The following CCDC148 variants were observed in gnomAD, a reference collection of about 807,000 sequenced individuals.
CCDC148 encodes coiled-coil domain-containing protein 148.
CCDC148 carries 89 observed loss-of-function variants against 85.7 expected under a neutral mutation model. That is an observed-to-expected ratio of 1.04 (90% confidence interval 0.87 to 1.24). The LOEUF is 1.24. Among genes scored for constraint, CCDC148 ranks in the 50% most tolerant of loss-of-function variants. The probability of loss-of-function intolerance (pLI) is 0.00; values close to 1 mark genes in which losing one functional copy is unlikely to be tolerated. For synonymous variants in CCDC148, 230 were observed against 213.9 expected, an observed-to-expected ratio of 1.08 and a Z score of -0.66; for missense variants, 692 against 671.7, an observed-to-expected ratio of 1.03 and a Z score of -0.33.
At chr2:158,208,303 A>C (rs1157025764) in intron 11 of CCDC148, among the ~76,000 whole-genome samples, 3 of 152,042 alleles carry the variant, frequency 2.0e-5, no homozygotes, top group Admixed American at 1.3e-4. Context: ...GTATGTGTTG[A>C]TTTTTCTAAC....
At chr2:158,422,105 C>T (rs371691552) in intron 1 of CCDC148, among the ~76,000 whole-genome samples, 1 of 152,090 alleles carries the variant, frequency 6.6e-6, no homozygotes, top group South Asian at 2.1e-4. Context: ...TAATAGCCTA[C>T]CAACAAAAAA....
chr2:158,362,013 AC>A (rs1683973211), intron 1 of CCDC148, among the ~76,000 whole-genome samples: 2 of 149,194 alleles, frequency 1.3e-5, no homozygotes, highest in African/African-American at 5.0e-5. Context: ...AAAAAAAAAA[AC>A]AGCAGGGATT....
intron 10 of CCDC148, among the ~76,000 whole-genome samples, chr2:158,224,358 T>TG (rs1687373444): frequency 2.0e-5 from 3 of 152,268 alleles, no homozygotes; most frequent in Admixed American, 6.5e-5. Context: ...CTGAAAGTGA[T>TG]GGGGAGAATG....
At chr2:158,424,907 G>T in intron 1 of CCDC148, 1 of 267,132 alleles carries the variant, frequency 3.7e-6, no homozygotes, top group Non-Finnish European at 7.5e-6. Flanking sequence ...AGCCAGTAAC[G>T]AAATTGTTAG....
rs1393136486 is a variant in CCDC148, at chr2:158,277,381, A to C, written c.1111-26469T>G. Among the ~76,000 whole-genome samples the C allele has an allele frequency of 4.6e-5, 7 of 152,204 alleles. No individual in the cohort carries two copies. In the East Asian group the frequency reaches 1.3e-3, roughly 29 times the overall value. ...TACTTACCATTCACACCTACTGAGA[A>C]TGTTCCAAATTAAGCTAATGTTTTG... On this transcript the variant is annotated intron_variant, in intron 9 of 13. Transcript: ENST00000283233.
intron 1 of CCDC148, among the ~76,000 whole-genome samples, chr2:158,373,265 G>T (rs1161102102): frequency 1.3e-5 from 2 of 151,944 alleles, no homozygotes; most frequent in African/African-American, 2.4e-5. Flanking sequence ...AAAGGAAACA[G>T]ATTCTCCCCT....
Position 158,414,522 on chromosome 2 carries a change from G to A in CCDC148, c.25+41893C>T, listed in dbSNP as rs972342124. Reference sequence around the variant, plus strand: ...TAATGTGTGCTCCACCATGGCACACGTATACATATGTAACAAACCTGCACG... The same window carrying A: ...TAATGTGTGCTCCACCATGGCACACATATACATATGTAACAAACCTGCACG... On this transcript the variant is annotated intron_variant, in intron 1 of 13. Transcript: ENST00000283233. Among the ~76,000 whole-genome samples the A allele has an allele frequency of 1.6e-4, 24 of 152,098 alleles. 1 individual carries two copies. The highest frequency in any genetic ancestry group is 9.2e-4 in the Admixed American group (14 of 15,280).
intron 7 of CCDC148, among the ~76,000 whole-genome samples, chr2:158,323,919 CTTTTTTTTTTTT>C (rs777356867): frequency 1.2e-5 from 1 of 82,946 alleles, no homozygotes; most frequent in Non-Finnish European, 2.4e-5. Context: ...CTGGGAATAA[CTTTTTTTTTTTT>C]TTTTTTTTTT....
At chr2:158,237,547 T>C (rs967572315) in intron 10 of CCDC148, among the ~76,000 whole-genome samples, 9 of 152,156 alleles carry the variant, frequency 5.9e-5, no homozygotes, top group Non-Finnish European at 1.2e-4. Context: ...TACCAAGCCT[T>C]TCGGCCTGAG....
At chr2:158,330,355 A>T (rs570950371) in intron 7 of CCDC148, among the ~76,000 whole-genome samples, 2 of 152,312 alleles carry the variant, frequency 1.3e-5, no homozygotes, top group Non-Finnish European at 2.9e-5. Flanking sequence ...CCAGGGATGA[A>T]GCCCACTTGA....
rs1269165393 is a variant in CCDC148, at chr2:158,441,688, C to A, written c.25+14727G>T. Among the ~76,000 whole-genome samples the A allele has an allele frequency of 1.3e-5, 2 of 152,048 alleles. 1 individual carries two copies. Among genetic ancestry groups the A allele is most frequent in the Non-Finnish European group, 2.9e-5 (2 of 68,000 alleles). On this transcript the variant is annotated intron_variant, in intron 1 of 13. Coordinates refer to ENST00000283233, the MANE Select transcript of CCDC148 (RefSeq NM_138803.4). ...GAGCTTCAAATACAGTATTTATGAT[C>A]TGAAAAAGTACATGTACTTATTAGC... is the stretch of plus-strand genomic sequence containing the variant.
At chr2:158,316,976 G>C (rs1024225706) in intron 7 of CCDC148, among the ~76,000 whole-genome samples, 4 of 152,030 alleles carry the variant, frequency 2.6e-5, no homozygotes, top group African/African-American at 9.7e-5. Context: ...TTTTTGTATA[G>C]AAAAATCTAT....
intron 9 of CCDC148, among the ~76,000 whole-genome samples, chr2:158,283,876 A>G (rs537806522): frequency 3.3e-3 from 509 of 152,006 alleles, no homozygotes; most frequent in African/African-American, 0.011. Flanking sequence ...GGAACCAACC[A>G]AAATGTCCAA....
At chr2:158,274,457 C>T (rs1219501188) in intron 9 of CCDC148, among the ~76,000 whole-genome samples, 1 of 152,132 alleles carries the variant, frequency 6.6e-6, no homozygotes, top group African/African-American at 2.4e-5. Flanking sequence ...AAGCAACTGG[C>T]CAATGTGTCT....
intron 1 of CCDC148, among the ~76,000 whole-genome samples, chr2:158,423,626 T>G (rs947547175): frequency 3.3e-5 from 5 of 152,108 alleles, no homozygotes; most frequent in African/African-American, 1.2e-4. Context: ...GAAAAAAACC[T>G]AGGCAATACC....
intron 1 of CCDC148, among the ~76,000 whole-genome samples, chr2:158,429,127 G>A (rs1687211956): frequency 6.6e-6 from 1 of 151,546 alleles, no homozygotes; most frequent in African/African-American, 2.4e-5. Flanking sequence ...CACACAGTGG[G>A]GCCTGTCGTG....
At chr2:158,307,407 A>G (rs916501538) in intron 9 of CCDC148, among the ~76,000 whole-genome samples, 5 of 152,230 alleles carry the variant, frequency 3.3e-5, no homozygotes, top group African/African-American at 1.2e-4. Context: ...GAAATTAAAG[A>G]TTAGCAATAC....
intron 1 of CCDC148, among the ~76,000 whole-genome samples, chr2:158,441,021 C>G (rs1687910190): frequency 6.6e-6 from 1 of 152,098 alleles, no homozygotes; most frequent in Admixed American, 6.5e-5. Context: ...AGCCACTGCA[C>G]TCCAGCCTGG....
intron 10 of CCDC148, among the ~76,000 whole-genome samples, chr2:158,246,917 C>A (rs970071536): frequency 5.9e-5 from 9 of 152,166 alleles, no homozygotes; most frequent in African/African-American, 2.2e-4. Flanking sequence ...ATATGACCTT[C>A]AACAGAGACA....
Sources: gnomAD v4.1 joint callset for allele counts (sites outside exome capture counted in the v4.1 genomes callset) on GRCh38, gnomAD v4.1.1 for gene constraint, MANE v1.5 for transcripts, NCBI Gene and HGNC (gene_info 2026-07-23, HGNC 2026-07-21) for gene names.